The following CDS1 variants were observed in gnomAD, a reference collection of about 807,000 sequenced individuals.
The protein encoded by CDS1 is CDP-diacylglycerol synthase 1, also known as phosphatidate cytidylyltransferase 1.
Under a neutral mutation model 62.1 loss-of-function variants are expected in CDS1, and 41 were observed. The observed-to-expected ratio is 0.66, with a 90% confidence interval of 0.51 to 0.86. The LOEUF is 0.86. CDS1 is among the 40% of genes least tolerant of loss of function. The pLI, the probability that CDS1 is intolerant of heterozygous loss-of-function variation, is 0.00. For missense variants in CDS1, 470 were observed against 550.1 expected (o/e 0.85, Z 1.46); for synonymous variants, 185 against 192.6 (o/e 0.96, Z 0.32).
At position 84,627,524 on chromosome 4, in the gene CDS1, T is replaced by A. The variant is rs181935134; in HGVS notation, c.581-4295T>A. 2.5e-4 allele frequency among the ~76,000 whole-genome samples: 38 copies of A among 152,336 alleles called. No homozygotes were observed. The East Asian group carries it at 4.6e-3, about 19-fold the overall frequency. On this transcript the variant is annotated intron_variant, in intron 5 of 12. Transcript: ENST00000295887. Reference sequence around the variant, plus strand: ...TGCAATTATATGGTTAGCAGTGATGTGTAAACAGACTTAAGGTGTTTGACC... The same window carrying A: ...TGCAATTATATGGTTAGCAGTGATGAGTAAACAGACTTAAGGTGTTTGACC...
In CDS1 at chr4:84,604,346, A is replaced by G. The variant is rs1723026837; in HGVS notation, c.221A>G (p.Lys74Arg). ...GATAGAACCCCTGAGATTCTCAAAA[A>G]AGCTCTATCTGGTTTATCTTCAAGG... is the stretch of plus-strand genomic sequence containing the variant. ...SSDRTPEILKKALSGLSSRWK... is the reference protein window; with the variant it reads ...SSDRTPEILKRALSGLSSRWK... The change falls in exon 2 of 13, where the codon AAA becomes AGA. Residue 74 changes from lysine (K) to arginine (R), a missense_variant. Lys to Arg is a conservative substitution (Grantham distance 26). Coordinates refer to ENST00000295887, the MANE Select transcript of CDS1 (RefSeq NM_001263.4). 2 of 1,613,408 alleles carry G rather than the reference A, an allele frequency of 1.2e-6. No individual in the cohort carries two copies. The highest frequency in any genetic ancestry group is 1.7e-6 in the Non-Finnish European group (2 of 1,179,518).
At chr4:84,598,982 C>T (rs533541356) in intron 1 of CDS1, among the ~76,000 whole-genome samples, 1 of 152,184 alleles carries the variant, frequency 6.6e-6, no homozygotes, top group South Asian at 2.1e-4. Flanking sequence ...TTAAGAGTCC[C>T]CATGAACTAT....
At chr4:84,602,849 C>T (rs1472054472) in intron 1 of CDS1, among the ~76,000 whole-genome samples, 6 of 151,932 alleles carry the variant, frequency 3.9e-5, no homozygotes, top group Non-Finnish European at 2.9e-5. Flanking sequence ...GCTTCAGGGC[C>T]AACTGACTCT....
At chr4:84,607,167 G>T (rs1028507839) in intron 2 of CDS1, among the ~76,000 whole-genome samples, 1 of 152,188 alleles carries the variant, frequency 6.6e-6, no homozygotes, top group Non-Finnish European at 1.5e-5. Flanking sequence ...TATGTTGTTG[G>T]TATGTTGGTA....
At chr4:84,642,029 C>CA (rs1468008806) in intron 10 of CDS1, among the ~76,000 whole-genome samples, 4 of 152,000 alleles carry the variant, frequency 2.6e-5, no homozygotes, top group Non-Finnish European at 5.9e-5. Flanking sequence ...GAGAACAGGT[C>CA]AAAAAATGGA....
At chr4:84,605,832 T>C (rs1420448953) in intron 2 of CDS1, among the ~76,000 whole-genome samples, 1 of 152,196 alleles carries the variant, frequency 6.6e-6, no homozygotes, top group Non-Finnish European at 1.5e-5. Context: ...TTTATATGTA[T>C]TGACTAATAT....
At chr4:84,601,538 G>A (rs1026067009) in intron 1 of CDS1, among the ~76,000 whole-genome samples, 3 of 152,184 alleles carry the variant, frequency 2.0e-5, no homozygotes, top group African/African-American at 7.2e-5. Flanking sequence ...ACAGGCCCAA[G>A]ATAGAAAGTT....
chr4:84,586,544 C>T (rs561567017), intron 1 of CDS1, among the ~76,000 whole-genome samples: 9 of 152,206 alleles, frequency 5.9e-5, no homozygotes, highest in East Asian at 3.9e-4. Context: ...AGGCAGCGCT[C>T]GGTGGTAATG....
chr4:84,626,252 C>G (rs1410936585), intron 5 of CDS1, among the ~76,000 whole-genome samples: 1 of 152,122 alleles, frequency 6.6e-6, no homozygotes, highest in African/African-American at 2.4e-5. Context: ...TATTTTATGA[C>G]AGTCTATGAA....
At chr4:84,587,737 C>G (rs1004776967) in intron 1 of CDS1, among the ~76,000 whole-genome samples, 3 of 152,076 alleles carry the variant, frequency 2.0e-5, no homozygotes, top group African/African-American at 4.8e-5. Flanking sequence ...AGTTTATTAA[C>G]GTGTGGGGTG....
chr4:84,639,388 A>G (rs1455942578), intron 9 of CDS1, among the ~76,000 whole-genome samples: 1 of 152,230 alleles, frequency 6.6e-6, no homozygotes, highest in Non-Finnish European at 1.5e-5. Flanking sequence ...TGCAAATACT[A>G]TTGAAAAGCT....
intron 6 of CDS1, 90 bp from the exon 7 acceptor site, chr4:84,633,767 G>T: frequency 1.6e-6 from 1 of 623,792 alleles, no homozygotes. Flanking sequence ...AAAAGTCATG[G>T]TAGAAATTTG....
intron 1 of CDS1, among the ~76,000 whole-genome samples, chr4:84,588,910 A>G (rs146503726): frequency 2.0e-3 from 300 of 152,306 alleles, no homozygotes; most frequent in African/African-American, 6.9e-3. Context: ...GTGACCTTTT[A>G]TTAGTTTTAT....
In CDS1 at chr4:84,585,768, T is replaced by C. The variant is rs376261896; in HGVS notation, c.117+2250T>C. 6.0e-4 allele frequency among the ~76,000 whole-genome samples: 92 copies of C among 152,290 alleles called. 1 individual carries two copies. In the South Asian group the frequency reaches 0.019, roughly 31 times the overall value. On this transcript the variant is annotated intron_variant, in intron 1 of 12. Transcript: ENST00000295887. ...CTCTGTACTCCAGATAATTAGCAAG[T>C]GAAAAAAATACTTCTTACCTGCAGA...
At chr4:84,621,839 A>G (rs1026099668) in intron 5 of CDS1, among the ~76,000 whole-genome samples, 4 of 152,300 alleles carry the variant, frequency 2.6e-5, no homozygotes, top group East Asian at 1.9e-4. Flanking sequence ...GTATTGAAAA[A>G]TTTCTACTCT....
chr4:84,615,032 A>G lies in CDS1; in HGVS notation c.343-2532A>G, dbSNP rs146606862. ...CTGTTTCAGAAGCTGGGCTTTGGAT[A>G]ATTCGTGGAGCAGGTGCTGTGTGCC... On this transcript the variant is annotated intron_variant, in intron 3 of 12. Transcript: ENST00000295887. Among the ~76,000 whole-genome samples the G allele has an allele frequency of 2.0e-5, 3 of 152,178 alleles. No homozygotes were observed. The East Asian group carries it at 5.8e-4, about 30-fold the overall frequency.
intron 1 of CDS1, among the ~76,000 whole-genome samples, chr4:84,598,899 C>A (rs1370424904): frequency 1.3e-5 from 2 of 152,098 alleles, no homozygotes; most frequent in Non-Finnish European, 2.9e-5. Flanking sequence ...TTCCCTGAGC[C>A]CCTTGTCCTT....
intron 2 of CDS1, among the ~76,000 whole-genome samples, chr4:84,606,591 T>G (rs1449480590): frequency 6.6e-6 from 1 of 152,214 alleles, no homozygotes; most frequent in African/African-American, 2.4e-5. Flanking sequence ...TTAAACATTT[T>G]TCTTTGTAGT....
chr4:84,595,909 T>C (rs1206945544), intron 1 of CDS1, among the ~76,000 whole-genome samples: 1 of 152,208 alleles, frequency 6.6e-6, no homozygotes, highest in Non-Finnish European at 1.5e-5. Context: ...TATAATAGAA[T>C]GAGATATCAC....
Sources: allele counts gnomAD v4.1 joint callset (sites outside exome capture counted in the v4.1 genomes callset), GRCh38; gene constraint gnomAD v4.1.1; transcripts MANE v1.5; gene names NCBI Gene and HGNC (gene_info 2026-07-23, HGNC 2026-07-21).